RAB3GAP1: variants seen among roughly 807,000 people sequenced by gnomAD.
RAB3GAP1 encodes the protein rab3 GTPase-activating protein catalytic subunit.
In RAB3GAP1, 86 loss-of-function variants were observed where a neutral mutation model predicts 130.7. That is an observed-to-expected ratio of 0.66 (90% CI 0.55 to 0.79). RAB3GAP1 has a LOEUF of 0.79. RAB3GAP1 is among the 30% of genes least tolerant of loss of function. RAB3GAP1 has a pLI of 0.00. For synonymous variants in RAB3GAP1, 367 were observed against 401.7 expected (o/e 0.91, Z 1.03); for missense variants, 1,029 against 1,169.4 (o/e 0.88, Z 1.75).
intron 19 of RAB3GAP1, among the ~76,000 whole-genome samples, chr2:135,160,789 A>G (rs2104994658): frequency 6.6e-6 from 1 of 152,050 alleles, no homozygotes; most frequent in African/African-American, 2.4e-5. Context: ...TATTGTATAT[A>G]ATCAGAATCA....
intron 5 of RAB3GAP1, among the ~76,000 whole-genome samples, chr2:135,105,522 G>A (rs549931345): frequency 2.3e-3 from 344 of 152,208 alleles, no homozygotes; most frequent in African/African-American, 6.0e-3. Context: ...ACGGAGTCTC[G>A]TTCACTCAGT....
At chr2:135,142,976 T>C (rs1041968632) in intron 17 of RAB3GAP1, among the ~76,000 whole-genome samples, 1 of 151,946 alleles carries the variant, frequency 6.6e-6, no homozygotes, top group Non-Finnish European at 1.5e-5. Context: ...CCCCTCTTTT[T>C]CTCTTCTCTG....
At chr2:135,116,609 A>T (rs1306381297) in intron 7 of RAB3GAP1, among the ~76,000 whole-genome samples, 1 of 152,250 alleles carries the variant, frequency 6.6e-6, no homozygotes, top group East Asian at 1.9e-4. Flanking sequence ...ATTAGAAAAT[A>T]GTATCAATGT....
intron 5 of RAB3GAP1, among the ~76,000 whole-genome samples, chr2:135,106,070 G>A (rs959134578): frequency 6.6e-6 from 1 of 151,716 alleles, no homozygotes; most frequent in East Asian, 1.9e-4. Context: ...GAGCGTCTCG[G>A]CCCGGCAGCC....
At position 135,148,491 on chromosome 2, in the gene RAB3GAP1, C is replaced by CT. The variant is rs571757000; in HGVS notation, c.1924-1857dup. Among the ~76,000 whole-genome samples the CT allele has an allele frequency of 3.8e-3, 413 of 108,098 alleles. 4 individuals carry two copies. Among genetic ancestry groups the CT allele is most frequent in the South Asian group, 0.024 (72 of 2,950 alleles). 70.9% of individuals were successfully genotyped at this position (108,098 alleles called of 152,430 possible). On this transcript the variant is annotated intron_variant, in intron 17 of 23. Coordinates refer to ENST00000264158, the MANE Select transcript of RAB3GAP1 (RefSeq NM_012233.3). Reference sequence around the variant, plus strand: ...GTGGATTGGAACCAAGCTAGTAATTCTTTTTTTTTTTTTTTTTTTTTGGTG... The same window carrying CT: ...GTGGATTGGAACCAAGCTAGTAATTCTTTTTTTTTTTTTTTTTTTTTTGGTG...
At chr2:135,110,649 C>T (rs775813567) in intron 5 of RAB3GAP1, among the ~76,000 whole-genome samples, 5 of 152,098 alleles carry the variant, frequency 3.3e-5, no homozygotes, top group South Asian at 2.1e-4. Context: ...CAACAGCTAT[C>T]AGTGTTAAAA....
At chr2:135,070,871 A>G (rs1251685511) in intron 3 of RAB3GAP1, among the ~76,000 whole-genome samples, 2 of 152,134 alleles carry the variant, frequency 1.3e-5, no homozygotes, top group South Asian at 4.1e-4. Context: ...AATATGCACA[A>G]TTTTCTTGGG....
intron 19 of RAB3GAP1, among the ~76,000 whole-genome samples, chr2:135,154,463 G>A (rs1692256007): frequency 6.7e-6 from 1 of 149,294 alleles, no homozygotes; most frequent in Admixed American, 6.6e-5. Context: ...ATAAATCCAT[G>A]CATTCAGCAT....
Position 135,135,251 on chromosome 2 carries a change from A to G in RAB3GAP1, c.1500-14A>G, listed in dbSNP as rs1029959139. ...TAAAACTAAGCTTTCTTTTCTCCTTACTTTATTTGATAGATTAGCAAGTGG... is the reference window on the plus strand; with the variant it reads ...TAAAACTAAGCTTTCTTTTCTCCTTGCTTTATTTGATAGATTAGCAAGTGG... On this transcript the variant is annotated splice_polypyrimidine_tract_variant and intron_variant, in intron 15 of 23. Transcript: ENST00000264158. The G allele has an allele frequency of 2.5e-6, 4 of 1,600,972 alleles. No homozygotes were observed. The highest frequency in any genetic ancestry group is 3.4e-6 in the Non-Finnish European group (4 of 1,168,250).
intron 3 of RAB3GAP1, among the ~76,000 whole-genome samples, chr2:135,061,334 G>A (rs1272781470): frequency 6.6e-6 from 1 of 152,254 alleles, no homozygotes; most frequent in South Asian, 2.1e-4. Flanking sequence ...AATAGGATAG[G>A]TGCAACTTTA....
intron 5 of RAB3GAP1, among the ~76,000 whole-genome samples, chr2:135,102,048 A>G (rs576019609): frequency 2.0e-4 from 31 of 152,358 alleles, no homozygotes; most frequent in African/African-American, 6.0e-4. Flanking sequence ...ACCTGTGGAT[A>G]TAAGTTATGT....
chr2:135,093,550 G>A, intron 4 of RAB3GAP1, 65 bp from the exon 5 acceptor site: 1 of 1,207,056 alleles, frequency 8.3e-7, no homozygotes, highest in East Asian at 2.3e-5. Flanking sequence ...TTTCCTCAAA[G>A]CATGTTATAA....
In RAB3GAP1 at chr2:135,130,699, A is replaced by C; in HGVS notation, c.1214A>C (p.Asp405Ala). ...GTAGAGGAGTCACCGCTAAATAATG[A>C]TGTTCTTAATACTATTCTCCTGGTA... Reference protein sequence around the residue: ...RGVEESPLNNDVLNTILLFLF... With the variant: ...RGVEESPLNNAVLNTILLFLF... The change falls in exon 13 of 24, where the codon GAT (aspartate) becomes GCT (alanine). Residue 405 changes from aspartate (D) to alanine (A), a missense_variant. By Grantham distance (126) the Asp-to-Ala change is moderately radical. This residue lies in a region of RAB3GAP1 where 510 missense variants were observed against 532.1 expected (regional missense o/e 0.96). Coordinates refer to ENST00000264158, the MANE Select transcript of RAB3GAP1 (RefSeq NM_012233.3). 1 of 1,613,464 alleles carries C rather than the reference A, an allele frequency of 6.2e-7. No individual in the cohort carries two copies. The highest frequency in any genetic ancestry group is 8.5e-7 in the Non-Finnish European group (1 of 1,179,486).
chr2:135,142,893 T>A (rs1427800105), intron 17 of RAB3GAP1, among the ~76,000 whole-genome samples: 1 of 151,958 alleles, frequency 6.6e-6, no homozygotes, highest in Admixed American at 6.6e-5. Flanking sequence ...TTTATTTTTT[T>A]TTTTTTTAGG....
At chr2:135,124,855 A>T (rs1026585229) in intron 9 of RAB3GAP1, among the ~76,000 whole-genome samples, 1 of 152,220 alleles carries the variant, frequency 6.6e-6, no homozygotes, top group East Asian at 1.9e-4. Context: ...AAGAAAAAAA[A>T]TAAAATAGAG....
At chr2:135,083,096 A>G (rs1030129918) in intron 3 of RAB3GAP1, among the ~76,000 whole-genome samples, 1 of 151,496 alleles carries the variant, frequency 6.6e-6, no homozygotes, top group African/African-American at 2.4e-5. Flanking sequence ...TTTTTTCTGA[A>G]TATTTTCAAC....
intron 2 of RAB3GAP1, 152 bp downstream of exon 2, chr2:135,052,637 A>C: frequency 1.1e-6 from 1 of 921,482 alleles, no homozygotes; most frequent in Non-Finnish European, 1.7e-6. Context: ...TTCTTTGGTC[A>C]ACCGCAAGCC....
chr2:135,099,833 C>G (rs1690403585), intron 5 of RAB3GAP1, among the ~76,000 whole-genome samples: 1 of 151,998 alleles, frequency 6.6e-6, no homozygotes, highest in Non-Finnish European at 1.5e-5. Flanking sequence ...ACATTACAAC[C>G]TCTGTAGTGA....
chr2:135,115,979 T>C (rs971148834), intron 7 of RAB3GAP1, among the ~76,000 whole-genome samples: 3 of 152,180 alleles, frequency 2.0e-5, no homozygotes, highest in African/African-American at 7.2e-5. Context: ...AGGGCTTAAG[T>C]TGAGGAGCTG....
Sources: gnomAD v4.1 joint callset for allele counts (sites outside exome capture counted in the v4.1 genomes callset) on GRCh38, gnomAD v4.1.1 for gene constraint, gnomAD v4.1.1 regional missense constraint, MANE v1.5 for transcripts, NCBI Gene and HGNC (gene_info 2026-07-23, HGNC 2026-07-21) for gene names.